Variants in PAFAH1B2 observed in about 807,000 individuals in gnomAD.
The protein encoded by PAFAH1B2 is platelet activating factor acetylhydrolase 1b catalytic subunit 2, also known as platelet-activating factor acetylhydrolase IB subunit alpha2.
In PAFAH1B2, 8 loss-of-function variants were observed where a neutral mutation model predicts 28.0. That is an observed-to-expected ratio of 0.29 (90% CI 0.17 to 0.52). The LOEUF is 0.52. PAFAH1B2 is among the 20% of genes least tolerant of loss of function. PAFAH1B2 has a pLI of 0.97. For synonymous variants in PAFAH1B2, 104 were observed against 103.2 expected (o/e 1.01, Z -0.05); for missense variants, 190 against 282.6 (o/e 0.67, Z 2.35).
downstream of PAFAH1B2, chr11:117,175,805 G>T: frequency 8.2e-7 from 1 of 1,215,778 alleles, no homozygotes; most frequent in Admixed American, 2.1e-5. Context: ...AGTGGTGCTT[G>T]CCTGTAATCC....
intron 2 of PAFAH1B2, chr11:117,159,487 C>A (rs974770925): frequency 3.3e-5 from 5 of 153,386 alleles, no homozygotes; most frequent in African/African-American, 1.2e-4. Flanking sequence ...AATCCCAGCA[C>A]TTTGGAAGGC....
chr11:117,172,369 TATATATATATATATATATATATATA>T (rs1565278580), downstream of PAFAH1B2, among the ~76,000 whole-genome samples: 14 of 1,640 alleles, frequency 8.5e-3, no homozygotes, highest in African/African-American at 0.018. Context: ...TATATATATA[TATATATATATATATATATATATATA>T]TATATATATA....
chr11:117,149,021 C>G (rs1398690594), intron 1 of PAFAH1B2, among the ~76,000 whole-genome samples: 1 of 144,672 alleles, frequency 6.9e-6, no homozygotes, highest in Non-Finnish European at 1.5e-5. Context: ...GCACGCACCA[C>G]AACACCTGCC....
chr11:117,157,785 T>C (rs947212822), intron 2 of PAFAH1B2, among the ~76,000 whole-genome samples: 1 of 152,148 alleles, frequency 6.6e-6, no homozygotes, highest in South Asian at 2.1e-4. Flanking sequence ...GTAGGCCTTT[T>C]CCTAGACCTA....
At chr11:117,175,758 C>A, downstream of PAFAH1B2, 2 of 1,056,070 alleles carry the variant, frequency 1.9e-6, no homozygotes, top group Middle Eastern at 2.6e-4. Flanking sequence ...GGCGTAGGGT[C>A]ACATCTTGCC....
rs1956569880 is a variant in PAFAH1B2 at position 117,168,459 on chromosome 11, T to TTTG, written c.*762_*763insGTT. 3.1e-6 allele frequency: 3 copies of TTTG among 958,180 alleles called. No homozygotes were observed. The African/African-American group carries it at 5.5e-5, about 18-fold the overall frequency. 59.4% of individuals were successfully genotyped at this position (958,180 alleles called of 1,614,324 possible). A position where few individuals can be genotyped will look rare whatever the true frequency, so the allele number is the denominator to read the frequency against. On this transcript the variant is annotated 3_prime_UTR_variant, in exon 6 of 6. Coordinates refer to ENST00000527958, the MANE Select transcript of PAFAH1B2 (RefSeq NM_002572.4). ...CCCCGCCACCCCGTTTTTTTTTTTT[T>TTTG]TTTTTTTTTTTTGGTTCTTGTTGAC...
At position 117,149,430 on chromosome 11, in the gene PAFAH1B2, G is replaced by GTTTTTTTT. The variant is rs746125678; in HGVS notation, c.-7-3004_-7-2997dup. ...TTAATTTAAAAAAAGTTTTCTAATC[G>GTTTTTTTT]TTTTTTTTTTTTTTGAGATGGAGTC... On this transcript the variant is annotated intron_variant, in intron 1 of 5. Transcript: ENST00000527958. Among the ~76,000 whole-genome samples the GTTTTTTTT allele has an allele frequency of 8.1e-5, 7 of 86,050 alleles. 2 individuals are homozygous for GTTTTTTTT. The highest frequency in any genetic ancestry group is 3.8e-4 in the South Asian group (1 of 2,616). The allele number at this position is 86,050 out of a possible 152,430, so 56.5% of individuals were successfully genotyped here.
chr11:117,162,898 T>C (rs769861308), intron 4 of PAFAH1B2, among the ~76,000 whole-genome samples: 12 of 152,150 alleles, frequency 7.9e-5, no homozygotes, highest in Non-Finnish European at 1.3e-4. Context: ...TGATCATGGC[T>C]TACTTGCAGT....
Position 117,168,446 on chromosome 11 carries a change from G to GTTTTTTTTTTTTTTTTTTT in PAFAH1B2, c.*754_*772dup, listed in dbSNP as rs71469127. ...TCCCCTTCATTCCCCCCGCCACCCC[G>GTTTTTTTTTTTTTTTTTTT]TTTTTTTTTTTTTTTTTTTTTTTTT... On this transcript the variant is annotated 3_prime_UTR_variant, in exon 6 of 6. Coordinates refer to ENST00000527958, the MANE Select transcript of PAFAH1B2 (RefSeq NM_002572.4). The GTTTTTTTTTTTTTTTTTTT allele has an allele frequency of 7.2e-5, 17 of 235,940 alleles. No homozygotes were observed. Among genetic ancestry groups the GTTTTTTTTTTTTTTTTTTT allele is most frequent in the African/African-American group, 3.5e-4 (4 of 11,358 alleles). The allele number at this position is 235,940 out of a possible 1,614,324, so 14.6% of individuals were successfully genotyped here.
At chr11:117,158,691 C>A (rs1463835658) in intron 2 of PAFAH1B2, among the ~76,000 whole-genome samples, 1 of 130,294 alleles carries the variant, frequency 7.7e-6, no homozygotes, top group Non-Finnish European at 1.5e-5. Context: ...GTCGCCTAGG[C>A]TGGAGTGTAA....
In PAFAH1B2 at chr11:117,169,116, C is replaced by T; in HGVS notation, c.*1417C>T. 2.0e-6 allele frequency: 2 copies of T among 1,022,060 alleles called. No homozygotes were observed. The highest frequency in any genetic ancestry group is 2.3e-6 in the Non-Finnish European group (2 of 851,768). 63.3% of individuals were successfully genotyped at this position (1,022,060 alleles called of 1,614,324 possible). Reference sequence around the variant, plus strand: ...TTATTGGCTTAGTTTTTAAATTATCCTCCAAAAATTTTGGGCCTTTTTCTG... The same window carrying T: ...TTATTGGCTTAGTTTTTAAATTATCTTCCAAAAATTTTGGGCCTTTTTCTG... On this transcript the variant is annotated 3_prime_UTR_variant, in exon 6 of 6. Coordinates refer to ENST00000527958, the MANE Select transcript of PAFAH1B2 (RefSeq NM_002572.4).
At chr11:117,155,273 G>A (rs1222135703) in intron 2 of PAFAH1B2, among the ~76,000 whole-genome samples, 1 of 152,110 alleles carries the variant, frequency 6.6e-6, no homozygotes, top group Admixed American at 6.6e-5. Flanking sequence ...GTTTTCTTAA[G>A]GGTAGTGTTG....
downstream of PAFAH1B2, chr11:117,175,012 G>T: frequency 7.0e-7 from 1 of 1,430,534 alleles, no homozygotes. Context: ...TTAAAATGGA[G>T]CTGGACTCAT....
At chr11:117,176,190 C>T in exon 6 of PAFAH1B2, 1 of 494,064 alleles carries the variant, frequency 2.0e-6, no homozygotes, top group South Asian at 3.3e-5. Flanking sequence ...GCCAAGGAAA[C>T]CCATAAGGTT....
chr11:117,152,481 C>G lies in PAFAH1B2; in HGVS notation c.34C>G (p.Pro12Ala), dbSNP rs768223672. 1 of 1,613,752 alleles carries G rather than the reference C, an allele frequency of 6.2e-7. No homozygotes were observed. The change falls in exon 2 of 6, where the codon CCG becomes GCG. Residue 12 changes from proline (P) to alanine (A), a missense_variant. By Grantham distance (27) the Pro-to-Ala change is conservative (BLOSUM62 -1). Transcript: ENST00000527958. ...AGGAGACTCAAACCCAGCAGCTATT[C>G]CGCATGCAGCAGAAGATATTCAAGG... ...SQGDSNPAAI[P>A]HAAEDIQGDD...
At chr11:117,151,135 GTCTT>G (rs767067942) in intron 1 of PAFAH1B2, among the ~76,000 whole-genome samples, 4 of 151,440 alleles carry the variant, frequency 2.6e-5, no homozygotes, top group African/African-American at 4.9e-5. Context: ...TTTCTTATTT[GTCTT>G]TCTATTTATA....
intron 1 of PAFAH1B2, 41 bp from the exon 2 acceptor site, chr11:117,152,400 C>A: frequency 8.3e-7 from 1 of 1,199,124 alleles, no homozygotes; most frequent in Non-Finnish European, 1.2e-6. Context: ...AACAAACCTT[C>A]CTGTTAACAA....
At chr11:117,144,634 G>A (rs1197813849) in intron 1 of PAFAH1B2, among the ~76,000 whole-genome samples, 1 of 151,918 alleles carries the variant, frequency 6.6e-6, no homozygotes, top group Non-Finnish European at 1.5e-5. Context: ...GCTAGTTTTC[G>A]CTCTGAGAGC....
At chr11:117,146,721 C>T (rs1956018585) in intron 1 of PAFAH1B2, among the ~76,000 whole-genome samples, 1 of 151,628 alleles carries the variant, frequency 6.6e-6, no homozygotes, top group African/African-American at 2.4e-5. Context: ...ACACAGCCGG[C>T]TGGGTGCTGT....
Sources: allele counts gnomAD v4.1 joint callset (sites outside exome capture counted in the v4.1 genomes callset), GRCh38; gene constraint gnomAD v4.1.1; transcripts MANE v1.5; gene names NCBI Gene and HGNC (gene_info 2026-07-23, HGNC 2026-07-21).